The following SPAG16 variants were observed in gnomAD, a reference collection of about 807,000 sequenced individuals.
SPAG16 encodes the protein sperm-associated antigen 16 protein.
SPAG16 carries 86 observed loss-of-function variants against 80.4 expected under a neutral mutation model. The ratio of observed to expected loss-of-function variants is 1.07; its 90% CI spans 0.90 to 1.28. The LOEUF (loss-of-function observed/expected upper bound fraction) is 1.28, where lower values mean the gene tolerates loss of function less well. Ranked by LOEUF, SPAG16 falls within the 50% of genes most tolerant of loss-of-function variation. The pLI is 0.00. For missense variants in SPAG16, 870 were observed against 765.3 expected (o/e 1.14, Z -1.61); for synonymous variants, 294 against 265.9 (o/e 1.11, Z -1.03).
chr2:213,593,840 TCTCGG>T (rs922206709), intron 10 of SPAG16, among the ~76,000 whole-genome samples: 1 of 136,152 alleles, frequency 7.3e-6, no homozygotes, highest in Admixed American at 8.1e-5. Flanking sequence ...AGTGTAGAGA[TCTCGG>T]CTCACTGCAA....
chr2:213,394,980 C>T (rs1203575485), intron 9 of SPAG16, among the ~76,000 whole-genome samples: 2 of 151,990 alleles, frequency 1.3e-5, no homozygotes, highest in Non-Finnish European at 2.9e-5. Context: ...GGAATTGTTC[C>T]ATTTCATCCA....
chr2:213,488,618 T>A (rs1285292382), intron 9 of SPAG16, among the ~76,000 whole-genome samples: 1 of 151,988 alleles, frequency 6.6e-6, no homozygotes, highest in African/African-American at 2.4e-5. Context: ...TGCTTCCAAT[T>A]TTGTAAAAAT....
intron 15 of SPAG16, among the ~76,000 whole-genome samples, chr2:214,345,287 C>T (rs956750001): frequency 6.6e-6 from 1 of 152,098 alleles, no homozygotes; most frequent in Admixed American, 6.6e-5. Flanking sequence ...TGGCTAATAT[C>T]TGCTGTTGGT....
chr2:214,245,994 C>T (rs554631023), intron 15 of SPAG16, among the ~76,000 whole-genome samples: 1 of 152,096 alleles, frequency 6.6e-6, no homozygotes, highest in African/African-American at 2.4e-5. Context: ...TTCTAGTATA[C>T]GCCCCCATTG....
intron 12 of SPAG16, among the ~76,000 whole-genome samples, chr2:213,983,658 TCA>T (rs1447086889): frequency 6.6e-6 from 1 of 151,998 alleles, no homozygotes; most frequent in Non-Finnish European, 1.5e-5. Flanking sequence ...ATCAATAATT[TCA>T]CACTTTCCCC....
chr2:213,650,846 A>G (rs1320437201), intron 10 of SPAG16, among the ~76,000 whole-genome samples: 3 of 152,200 alleles, frequency 2.0e-5, no homozygotes, highest in Non-Finnish European at 4.4e-5. Flanking sequence ...ATTTGCCTAT[A>G]TGTCCCCATC....
intron 11 of SPAG16, among the ~76,000 whole-genome samples, chr2:213,923,702 G>T (rs144766032): frequency 6.6e-6 from 1 of 152,168 alleles, no homozygotes; most frequent in Non-Finnish European, 1.5e-5. Flanking sequence ...ACTGCTGGGC[G>T]GGAAGCTCTA....
chr2:213,619,652 C>G (rs1183472930), intron 10 of SPAG16, among the ~76,000 whole-genome samples: 2 of 151,862 alleles, frequency 1.3e-5, no homozygotes, highest in Non-Finnish European at 1.5e-5. Context: ...TAAAAAAAGA[C>G]AAAAAATAAT....
At chr2:214,164,267 G>T (rs2125612166) in intron 15 of SPAG16, among the ~76,000 whole-genome samples, 1 of 152,226 alleles carries the variant, frequency 6.6e-6, no homozygotes, top group African/African-American at 2.4e-5. Context: ...CAACATATTT[G>T]CCAAGTGGTG....
At chr2:214,231,920 G>A (rs1688728723) in intron 15 of SPAG16, among the ~76,000 whole-genome samples, 1 of 151,960 alleles carries the variant, frequency 6.6e-6, no homozygotes, top group Non-Finnish European at 1.5e-5. Context: ...GAGACTATAT[G>A]CAGTTTTATC....
intron 12 of SPAG16, among the ~76,000 whole-genome samples, chr2:213,973,760 G>A (rs1375251970): frequency 6.6e-6 from 1 of 151,908 alleles, no homozygotes; most frequent in Non-Finnish European, 1.5e-5. Flanking sequence ...AGGCACAGAT[G>A]TTTGGAGCTG....
chr2:213,773,495 G>T (rs1041744214), intron 10 of SPAG16, among the ~76,000 whole-genome samples: 4 of 152,162 alleles, frequency 2.6e-5, no homozygotes, highest in Admixed American at 2.6e-4. Flanking sequence ...ATGGCATAAT[G>T]GTAGTGTATC....
intron 10 of SPAG16, among the ~76,000 whole-genome samples, chr2:213,837,851 A>C (rs1373582114): frequency 6.6e-6 from 1 of 152,214 alleles, no homozygotes; most frequent in African/African-American, 2.4e-5. Flanking sequence ...GTGATGGCAG[A>C]AGCAGGGCCA....
intron 9 of SPAG16, among the ~76,000 whole-genome samples, chr2:213,481,624 T>C (rs2073754359): frequency 6.6e-6 from 1 of 152,172 alleles, no homozygotes; most frequent in Non-Finnish European, 1.5e-5. Flanking sequence ...CTGGGGATTA[T>C]GGGGGCAACC....
At chr2:213,523,086 G>C (rs1228116586) in intron 10 of SPAG16, among the ~76,000 whole-genome samples, 1 of 152,048 alleles carries the variant, frequency 6.6e-6, no homozygotes. Context: ...ATCTCATCTT[G>C]AATTGTAGTT....
chr2:213,671,494 G>A (rs1343868103), intron 10 of SPAG16, among the ~76,000 whole-genome samples: 1 of 152,174 alleles, frequency 6.6e-6, no homozygotes, highest in Non-Finnish European at 1.5e-5. Flanking sequence ...CAGAGCCACT[G>A]CTGTCACCAT....
intron 15 of SPAG16, among the ~76,000 whole-genome samples, chr2:214,177,399 A>G (rs2057127203): frequency 6.6e-6 from 1 of 151,110 alleles, no homozygotes; most frequent in Admixed American, 6.6e-5. Flanking sequence ...AAAATTCTTA[A>G]TGGGACCTAT....
intron 11 of SPAG16, among the ~76,000 whole-genome samples, chr2:213,904,460 G>A (rs2077350690): frequency 6.6e-6 from 1 of 151,936 alleles, no homozygotes; most frequent in African/African-American, 2.4e-5. Context: ...GAATAGTATG[G>A]GGGAAACCAT....
At chr2:213,929,252 G>A (rs977572050) in intron 11 of SPAG16, among the ~76,000 whole-genome samples, 1 of 151,798 alleles carries the variant, frequency 6.6e-6, no homozygotes, top group African/African-American at 2.4e-5. Context: ...GACCTCAGGC[G>A]ATTCGCCTGC....
Sources: allele counts gnomAD v4.1 joint callset (sites outside exome capture counted in the v4.1 genomes callset), GRCh38; gene constraint gnomAD v4.1.1; transcripts MANE v1.5; gene names NCBI Gene and HGNC (gene_info 2026-07-23, HGNC 2026-07-21).